TRPC5: variants seen among roughly 807,000 people sequenced by gnomAD.
TRPC5 encodes transient receptor potential cation channel subfamily C member 5.
TRPC5 carries 9 observed loss-of-function variants against 56.5 expected under a neutral mutation model. The ratio of observed to expected loss-of-function variants is 0.16; its 90% CI spans 0.10 to 0.28. The LOEUF (loss-of-function observed/expected upper bound fraction) is 0.28. Ranked by LOEUF, TRPC5 falls within the 10% of genes least tolerant of loss-of-function variation. The probability of loss-of-function intolerance (pLI) is 1.00; values close to 1 mark genes in which losing one functional copy is unlikely to be tolerated. For missense variants in TRPC5, 469 were observed against 748.9 expected (o/e 0.63, Z 4.36); for synonymous variants, 282 against 278.5 (o/e 1.01, Z -0.13).
At chrX:111,958,961 T>C (rs940461847) in intron 1 of TRPC5, among the ~76,000 whole-genome samples, 1 of 112,217 alleles carries the variant, frequency 8.9e-6, no homozygotes, top group Non-Finnish European at 1.9e-5. Context: ...TCCTGCAAAA[T>C]GATTCTTCTA....
intron 7 of TRPC5, among the ~76,000 whole-genome samples, chrX:111,790,993 C>T (rs980434969): frequency 3.6e-5 from 3 of 84,309 alleles, no homozygotes; most frequent in Non-Finnish European, 6.6e-5. Flanking sequence ...GCACTCCAAC[C>T]TGGGCCACAG....
intron 1 of TRPC5, among the ~76,000 whole-genome samples, chrX:111,960,074 T>C (rs1480102403): frequency 8.9e-6 from 1 of 112,217 alleles, no homozygotes; most frequent in Non-Finnish European, 1.9e-5. Context: ...ATCATCCACA[T>C]TTTAAGCACT....
Position 111,776,185 on chromosome X carries a change from G to A in TRPC5, c.*128C>T, listed in dbSNP as rs1446537557. On this transcript the variant is annotated 3_prime_UTR_variant, in exon 11 of 11. Coordinates refer to ENST00000262839, the MANE Select transcript of TRPC5 (RefSeq NM_012471.3). ...GGAGAATGTGGCTATAAAAGATGGT[G>A]CAAATAAGAGTTTCACTCTCCTTTC... The A allele has an allele frequency of 2.8e-5, 17 of 605,605 alleles. 1 individual carries two copies. Among genetic ancestry groups the A allele is most frequent in the East Asian group, 3.4e-5 (1 of 29,271 alleles). 49.9% of individuals were successfully genotyped at this position (605,605 alleles called of 1,213,427 possible).
chrX:112,022,996 G>A (rs367951301), intron 1 of TRPC5, among the ~76,000 whole-genome samples: 6 of 110,367 alleles, frequency 5.4e-5, no homozygotes, highest in East Asian at 5.7e-4. Context: ...GTGCAGTGGC[G>A]CGATCTCGGC....
chrX:111,981,681 T>G (rs1440066765), intron 1 of TRPC5, among the ~76,000 whole-genome samples: 1 of 111,772 alleles, frequency 8.9e-6, no homozygotes, highest in African/African-American at 3.3e-5. Context: ...CACTAACCCC[T>G]TTTCTAGAAG....
chrX:111,791,863 G>A (rs1946023907), intron 7 of TRPC5, among the ~76,000 whole-genome samples: 1 of 112,348 alleles, frequency 8.9e-6, no homozygotes, highest in South Asian at 3.7e-4. Flanking sequence ...GTTGGTGGGA[G>A]TGTAAATTAG....
chrX:111,779,801 A>G (rs1469990281), intron 9 of TRPC5, among the ~76,000 whole-genome samples: 1 of 112,239 alleles, frequency 8.9e-6, no homozygotes, highest in African/African-American at 3.2e-5. Context: ...AAGTGTCAGC[A>G]TTAGACTTTG....
At position 112,015,160 on chromosome X, in the gene TRPC5, C is replaced by T. The variant is rs753923294; in HGVS notation, c.-21-62719G>A. Among the ~76,000 whole-genome samples, 374 of 110,753 alleles carry T rather than the reference C, an allele frequency of 3.4e-3. 2 individuals are homozygous for T. The highest frequency in any genetic ancestry group is 5.2e-3 in the Non-Finnish European group (277 of 52,965). ...GTTCAACTGATTCTCCTGCCTCAGC[C>T]TCCTGAATAGCTGGGATTACAGGTG... is the stretch of plus-strand genomic sequence containing the variant. On this transcript the variant is annotated intron_variant, in intron 1 of 10. Transcript: ENST00000262839.
At chrX:111,983,578 C>T (rs1303019269) in intron 1 of TRPC5, among the ~76,000 whole-genome samples, 1 of 111,667 alleles carries the variant, frequency 9.0e-6, no homozygotes, top group Non-Finnish European at 1.9e-5. Context: ...AAGTCCCTGA[C>T]CATCCAGCCA....
At chrX:112,077,578 C>G (rs1051609216) in intron 1 of TRPC5, among the ~76,000 whole-genome samples, 2 of 111,341 alleles carry the variant, frequency 1.8e-5, no homozygotes, top group Non-Finnish European at 3.8e-5. Context: ...GGTGGCAATC[C>G]TGGTGTGGGG....
chrX:111,890,591 A>G (rs1924755262), intron 3 of TRPC5, among the ~76,000 whole-genome samples: 1 of 112,060 alleles, frequency 8.9e-6, no homozygotes, highest in Non-Finnish European at 1.9e-5. Context: ...GTTCTTGCTG[A>G]TATCTTAACA....
intron 1 of TRPC5, among the ~76,000 whole-genome samples, chrX:111,956,979 G>A (rs1192551253): frequency 5.4e-5 from 6 of 111,956 alleles, no homozygotes; most frequent in African/African-American, 1.9e-4. Flanking sequence ...GCAGCATCAA[G>A]CAAAGCTCCC....
In TRPC5 at chrX:111,893,950, T is replaced by C. The variant is rs1239929911; in HGVS notation, c.900+18341A>G. 2.7e-5 allele frequency among the ~76,000 whole-genome samples: 3 copies of C among 112,116 alleles called. No homozygotes were observed. In the East Asian group the frequency reaches 8.4e-4, roughly 31 times the overall value. On this transcript the variant is annotated intron_variant, in intron 3 of 10. Transcript: ENST00000262839. The stretch of plus-strand genomic sequence containing the variant: ...GAACATTTGCCCTTTGTGGATAAAG[T>C]TCTCTTGATGTTTCCTCAAGGGGTG...
chrX:112,081,950 G>C lies in TRPC5; in HGVS notation c.-93C>G, dbSNP rs1930978362. 8.9e-6 allele frequency: 1 copy of C among 111,748 alleles called. No individual in the cohort carries two copies. The highest frequency in any genetic ancestry group is 3.3e-5 in the African/African-American group (1 of 30,631). 9.2% of individuals were successfully genotyped at this position (111,748 alleles called of 1,213,427 possible). A position where few individuals can be genotyped will look rare whatever the true frequency, so the allele number is the denominator to read the frequency against. ...TCCACCGGCCAGGATGCGTGGTGCGGCGCCTTGCCGGACTCCTCTTTTGCG... is the reference window on the plus strand; with the variant it reads ...TCCACCGGCCAGGATGCGTGGTGCGCCGCCTTGCCGGACTCCTCTTTTGCG... On this transcript the variant is annotated 5_prime_UTR_variant, in exon 1 of 11. Transcript: ENST00000262839.
chrX:111,836,682 C>T (rs140692728), intron 6 of TRPC5, among the ~76,000 whole-genome samples: 31 of 112,085 alleles, frequency 2.8e-4, no homozygotes, highest in Admixed American at 1.8e-3. Flanking sequence ...GGTTATTTTC[C>T]GTCCCTCTCT....
intron 1 of TRPC5, among the ~76,000 whole-genome samples, chrX:111,992,571 GGAA>G (rs1216784237): frequency 2.8e-5 from 3 of 106,343 alleles, no homozygotes; most frequent in Non-Finnish European, 5.7e-5. Context: ...CTGAAATATG[GGAA>G]TTGTTTTTTA....
chrX:112,064,317 T>C (rs1930529938), intron 1 of TRPC5, among the ~76,000 whole-genome samples: 1 of 112,322 alleles, frequency 8.9e-6, no homozygotes, highest in Non-Finnish European at 1.9e-5. Flanking sequence ...CCAAGTTCAC[T>C]GAGCATTTTA....
At chrX:111,902,164 T>C in intron 3 of TRPC5, 1 of 1,138,663 alleles carries the variant, frequency 8.8e-7, no homozygotes, top group South Asian at 2.0e-5. Context: ...CTGGTATAAA[T>C]GATGACTTAA....
intron 1 of TRPC5, among the ~76,000 whole-genome samples, chrX:112,030,476 C>T (rs941693083): frequency 1.8e-5 from 2 of 111,974 alleles, no homozygotes; most frequent in Admixed American, 9.4e-5. Context: ...ATAAGAAAAC[C>T]ATTACTCTTC....
Sources: allele counts gnomAD v4.1 joint callset (sites outside exome capture counted in the v4.1 genomes callset), GRCh38; gene constraint gnomAD v4.1.1; transcripts MANE v1.5; gene names NCBI Gene and HGNC (gene_info 2026-07-23, HGNC 2026-07-21).